Variants in THRB observed in about 807,000 individuals in gnomAD.
THRB encodes thyroid hormone receptor beta, also known as nuclear receptor subfamily 1 group A member 2.
THRB carries 12 observed loss-of-function variants against 47.8 expected under a neutral mutation model. That is an observed-to-expected ratio of 0.25 (90% CI 0.16 to 0.41). The LOEUF is 0.41. THRB is among the 10% of genes least tolerant of loss of function. THRB has a pLI of 1.00. For synonymous variants in THRB, 218 were observed against 212.2 expected (o/e 1.03, Z -0.24); for missense variants, 348 against 589.2 (o/e 0.59, Z 4.24).
chr3:24,385,201 G>T (rs2066002014), intron 1 of THRB, among the ~76,000 whole-genome samples: 1 of 152,020 alleles, frequency 6.6e-6, no homozygotes, highest in Non-Finnish European at 1.5e-5. Context: ...ATTAATAGCA[G>T]CAGGAGAATG....
At chr3:24,434,512 C>T (rs2070747808) in intron 1 of THRB, among the ~76,000 whole-genome samples, 1 of 152,224 alleles carries the variant, frequency 6.6e-6, no homozygotes, top group Admixed American at 6.5e-5. Flanking sequence ...TTCTCCAACT[C>T]ACCATGGAGA....
At chr3:24,164,275 CCA>C (rs1559490708) in intron 5 of THRB, among the ~76,000 whole-genome samples, 1 of 152,090 alleles carries the variant, frequency 6.6e-6, no homozygotes. Context: ...CATTATAAAG[CCA>C]CAGTGTCTAT....
In THRB at chr3:24,133,352, C is replaced by A. The variant is rs757595312; in HGVS notation, c.849G>T (p.Val283=). The change falls in exon 9 of 11, where the codon GTG becomes GTT. Residue 283 remains valine (V), a synonymous_variant. Coordinates refer to ENST00000646209, the MANE Select transcript of THRB (RefSeq NM_001354712.2). ...TAGGCAACTTTTTGGCAAAATCCAC[C>A]ACTCTGGTAATTGCTGGTGTGATGA... The part of the protein sequence containing the change: ...TKIITPAITR[V]VDFAKKLPMF... 6.8e-6 allele frequency: 11 copies of A among 1,614,010 alleles called. No homozygotes were observed. Among genetic ancestry groups the A allele is most frequent in the African/African-American group, 1.3e-5 (1 of 74,926 alleles).
intron 1 of THRB, among the ~76,000 whole-genome samples, chr3:24,428,420 A>G (rs1021203174): frequency 2.0e-5 from 3 of 152,016 alleles, no homozygotes; most frequent in Non-Finnish European, 4.4e-5. Flanking sequence ...ATTGCAAGTG[A>G]TCAAGCCTGT....
At chr3:24,251,334 C>T (rs2044756) in intron 3 of THRB, among the ~76,000 whole-genome samples, 18,791 of 151,880 alleles carry the variant, frequency 0.12, 1,230 homozygotes, top group African/African-American at 0.16. Flanking sequence ...TAATAAAAGT[C>T]AGAAAGCTTA....
intron 5 of THRB, among the ~76,000 whole-genome samples, chr3:24,168,084 G>A (rs1256705777): frequency 1.3e-5 from 2 of 152,106 alleles, no homozygotes; most frequent in Non-Finnish European, 2.9e-5. Flanking sequence ...AATGTTTATT[G>A]TTTGGAGAAA....
chr3:24,252,538 A>T (rs1255887366), intron 3 of THRB, among the ~76,000 whole-genome samples: 2 of 151,878 alleles, frequency 1.3e-5, no homozygotes, highest in East Asian at 3.9e-4. Context: ...ACAGCTTTAA[A>T]ATGGTGAAGA....
chr3:24,479,569 G>A (rs1269537867), intron 1 of THRB, among the ~76,000 whole-genome samples: 2 of 152,178 alleles, frequency 1.3e-5, no homozygotes, highest in Admixed American at 6.5e-5. Flanking sequence ...AGATGATGGG[G>A]CTGAGGAAGG....
At chr3:24,198,342 G>A (rs1309860690) in intron 4 of THRB, among the ~76,000 whole-genome samples, 8 of 151,764 alleles carry the variant, frequency 5.3e-5, no homozygotes, top group Non-Finnish European at 1.2e-4. Flanking sequence ...ACCTCACAGT[G>A]TTGGTGTGAA....
chr3:24,472,596 C>T (rs1352192872), intron 1 of THRB, among the ~76,000 whole-genome samples: 1 of 152,188 alleles, frequency 6.6e-6, no homozygotes, highest in East Asian at 1.9e-4. Flanking sequence ...GGTGATTCAT[C>T]TCTGTGTGGA....
In THRB at chr3:24,172,314, G is replaced by A. The variant is rs1316300101; in HGVS notation, c.283+17760C>T. Among the ~76,000 whole-genome samples the A allele has an allele frequency of 3.9e-5, 6 of 152,082 alleles. No homozygotes were observed. The South Asian group carries it at 1.2e-3, about 32-fold the overall frequency. Reference sequence around the variant, plus strand: ...TTTAGGGTCTTTACCAACGAGGAAAGCTGCCGGCCAGAAGAGGCAGGCTGG... The same window carrying A: ...TTTAGGGTCTTTACCAACGAGGAAAACTGCCGGCCAGAAGAGGCAGGCTGG... On this transcript the variant is annotated intron_variant, in intron 5 of 10. Coordinates refer to ENST00000646209, the MANE Select transcript of THRB (RefSeq NM_001354712.2).
intron 1 of THRB, among the ~76,000 whole-genome samples, chr3:24,339,099 C>A (rs2149440973): frequency 6.6e-6 from 1 of 152,062 alleles, no homozygotes; most frequent in South Asian, 2.1e-4. Flanking sequence ...CACCATTACC[C>A]CTGACATTAA....
At chr3:24,380,987 C>T (rs996565826) in intron 1 of THRB, among the ~76,000 whole-genome samples, 1 of 151,818 alleles carries the variant, frequency 6.6e-6, no homozygotes, top group Non-Finnish European at 1.5e-5. Flanking sequence ...TGGTGGTATG[C>T]ACCTGTAGTC....
intron 3 of THRB, among the ~76,000 whole-genome samples, chr3:24,282,957 A>C (rs573074444): frequency 1.3e-5 from 2 of 152,172 alleles, no homozygotes; most frequent in South Asian, 4.2e-4. Flanking sequence ...CTTACCAACG[A>C]AAGAGTCCAG....
intron 1 of THRB, among the ~76,000 whole-genome samples, chr3:24,389,338 GCAGT>G (rs1404610312): frequency 1.3e-5 from 2 of 152,164 alleles, no homozygotes; most frequent in Non-Finnish European, 2.9e-5. Context: ...CTGTCCTTGG[GCAGT>G]CAGTCAAAAC....
intron 4 of THRB, among the ~76,000 whole-genome samples, chr3:24,224,051 G>T (rs2047412458): frequency 6.6e-6 from 1 of 152,148 alleles, no homozygotes; most frequent in East Asian, 1.9e-4. Context: ...CTTAAATGGA[G>T]GCTGAACTGC....
intron 3 of THRB, among the ~76,000 whole-genome samples, chr3:24,275,164 T>A (rs1444322701): frequency 3.3e-5 from 5 of 152,202 alleles, no homozygotes; most frequent in African/African-American, 1.2e-4. Flanking sequence ...TATATAGCAG[T>A]CATTTTTAAA....
chr3:24,319,849 C>T (rs59964575), intron 2 of THRB, among the ~76,000 whole-genome samples: 6,453 of 152,168 alleles, frequency 0.042, 439 homozygotes, highest in African/African-American at 0.14. Context: ...AGATCAGCAC[C>T]GAATAAAAGC....
At chr3:24,123,536 G>C (rs1265848665) in intron 10 of THRB, among the ~76,000 whole-genome samples, 2 of 152,158 alleles carry the variant, frequency 1.3e-5, no homozygotes, top group African/African-American at 4.8e-5. Flanking sequence ...AGAAGGGGGA[G>C]ATATATGAAG....
Sources: allele counts gnomAD v4.1 joint callset (sites outside exome capture counted in the v4.1 genomes callset), GRCh38; gene constraint gnomAD v4.1.1; transcripts MANE v1.5; gene names NCBI Gene and HGNC (gene_info 2026-07-23, HGNC 2026-07-21).